MTO1: variants seen among roughly 807,000 people sequenced by gnomAD.
MTO1 encodes 5-taurinomethyluridine-[tRNA] synthase subunit MTO1, mitochondrial.
MTO1 carries 46 observed loss-of-function variants against 71.6 expected under a neutral mutation model. That is an observed-to-expected ratio of 0.64 (90% CI 0.51 to 0.82). The LOEUF (loss-of-function observed/expected upper bound fraction) is 0.82. Among genes scored for constraint, MTO1 ranks in the 40% least tolerant of loss-of-function variants. The probability of loss-of-function intolerance (pLI) is 0.00; values close to 1 mark genes in which losing one functional copy is unlikely to be tolerated. For synonymous variants in MTO1, 297 were observed against 312.1 expected, an observed-to-expected ratio of 0.95 and a Z score of 0.51; for missense variants, 773 against 867.5, an observed-to-expected ratio of 0.89 and a Z score of 1.37.
In MTO1 at chr6:73,504,036, G is replaced by C. The variant is rs1488159182; in HGVS notation, c.*3301G>C. On this transcript the variant is annotated 3_prime_UTR_variant, in exon 12 of 12. Coordinates refer to ENST00000498286, the MANE Select transcript of MTO1 (RefSeq NM_012123.4). ...ACTAGGGGTTTATTCTGATCTGGAA[G>C]AGCCACTTAACACTGGAATGCACAC... 2 of 152,194 alleles carry C rather than the reference G, an allele frequency of 1.3e-5. No homozygotes were observed. Among genetic ancestry groups the C allele is most frequent in the African/African-American group, 4.8e-5 (2 of 41,458 alleles). The allele number at this position is 152,194 out of a possible 1,614,324, so 9.4% of individuals were successfully genotyped here. A position where few individuals can be genotyped will look rare whatever the true frequency, so the allele number is the denominator to read the frequency against.
intron 9 of MTO1, among the ~76,000 whole-genome samples, chr6:73,490,925 G>C (rs1199496149): frequency 6.6e-6 from 1 of 152,104 alleles, no homozygotes; most frequent in Non-Finnish European, 1.5e-5. Flanking sequence ...GGATTAAAGT[G>C]GTCATAGGAG....
At chr6:73,486,818 A>G (rs925161949) in intron 9 of MTO1, 12 of 173,038 alleles carry the variant, frequency 6.9e-5, no homozygotes, top group Middle Eastern at 2.6e-3. Context: ...ACGACCAGGA[A>G]TGGTGGCTCA....
chr6:73,469,017 T>C (rs1471349179), intron 3 of MTO1, among the ~76,000 whole-genome samples: 1 of 151,942 alleles, frequency 6.6e-6, no homozygotes, highest in Non-Finnish European at 1.5e-5. Context: ...TCTTTGCGTT[T>C]TTGGTTTTGG....
intron 11 of MTO1, among the ~76,000 whole-genome samples, chr6:73,499,525 A>G (rs950897256): frequency 2.0e-5 from 3 of 151,426 alleles, no homozygotes; most frequent in Non-Finnish European, 4.4e-5. Context: ...CTGTCTCAAA[A>G]AAAAAAAAAA....
chr6:73,486,543 G>C (rs1771658394), intron 9 of MTO1: 1 of 415,744 alleles, frequency 2.4e-6, no homozygotes, highest in African/African-American at 2.1e-5. Flanking sequence ...TTCGAAACCA[G>C]CCTGGCCAAC....
intron 3 of MTO1, among the ~76,000 whole-genome samples, chr6:73,467,708 G>A (rs1187089725): frequency 6.6e-6 from 1 of 152,068 alleles, no homozygotes; most frequent in African/African-American, 2.4e-5. Context: ...AGACACTTCA[G>A]CTTTTTTAGT....
At chr6:73,477,312 C>T (rs1771353346) in intron 4 of MTO1, among the ~76,000 whole-genome samples, 1 of 145,304 alleles carries the variant, frequency 6.9e-6, no homozygotes, top group South Asian at 2.2e-4. Context: ...ATGAGAATCG[C>T]TTGAACCAGG....
Position 73,482,041 on chromosome 6 carries a change from G to A in MTO1, c.1262G>A (p.Gly421Asp). The A allele has an allele frequency of 1.2e-6, 2 of 1,614,098 alleles. No homozygotes were observed. Among genetic ancestry groups the A allele is most frequent in the Non-Finnish European group, 8.5e-7 (1 of 1,180,016 alleles). Reference sequence around the variant, plus strand: ...TTAAACATTTCAGTGCTCTTGTAGGGTGTGATAGCCGGAATCAACGCCAGT... The same window carrying A: ...TTAAACATTTCAGTGCTCTTGTAGGATGTGATAGCCGGAATCAACGCCAGT... ...TTGYEEAAAQ[G>D]VIAGINASLR... Residue 421 changes from glycine (G) to aspartate (D), a missense_variant and splice_region_variant, in exon 8 of 12, where the codon GGT (glycine) becomes GAT (aspartate). Gly to Asp is a moderately conservative substitution (Grantham distance 94). Coordinates refer to ENST00000498286, the MANE Select transcript of MTO1 (RefSeq NM_012123.4).
chr6:73,477,132 A>C (rs1393323668), intron 4 of MTO1, among the ~76,000 whole-genome samples: 2 of 150,558 alleles, frequency 1.3e-5, no homozygotes, highest in Non-Finnish European at 3.0e-5. Flanking sequence ...GCAGTGGCTC[A>C]TGCCTATAAT....
rs1771439281 is a variant in MTO1, at chr6:73,479,981, T to C, written c.984T>C (p.Arg328=). The change falls in exon 6 of 12, where the codon CGT becomes CGC. Residue 328 remains arginine, a synonymous_variant. Coordinates refer to ENST00000498286, the MANE Select transcript of MTO1 (RefSeq NM_012123.4). ...IESKVLRFPN[R]LHQVWLEPEG... is the part of the protein sequence containing the mutation. ...CAAAAGTTTTGCGTTTTCCAAACCG[T>C]CTACATCAGGTTTGGTTGGAACCTG... 1 of 1,613,928 alleles carries C rather than the reference T, an allele frequency of 6.2e-7. No individual in the cohort carries two copies. Among genetic ancestry groups the C allele is most frequent in the Non-Finnish European group, 8.5e-7 (1 of 1,179,966 alleles).
rs542751608 is a variant in MTO1 at position 73,507,721 on chromosome 6, T to C, written c.*6986T>C. On this transcript the variant is annotated 3_prime_UTR_variant, in exon 12 of 12. Coordinates refer to ENST00000498286, the MANE Select transcript of MTO1 (RefSeq NM_012123.4). The stretch of plus-strand genomic sequence containing the variant: ...GGCAGGGTGCGGTGGCTCACGCCTG[T>C]AATCCCAACACTTTGGGAGGCCAAG... 8 of 152,432 alleles carry C rather than the reference T, an allele frequency of 5.2e-5. No individual in the cohort carries two copies. The highest frequency in any genetic ancestry group is 1.9e-4 in the African/African-American group (8 of 41,578). 9.4% of individuals were successfully genotyped at this position (152,432 alleles called of 1,614,324 possible).
At chr6:73,484,745 C>T (rs915277196) in intron 9 of MTO1, among the ~76,000 whole-genome samples, 7 of 152,008 alleles carry the variant, frequency 4.6e-5, no homozygotes, top group African/African-American at 1.7e-4. Flanking sequence ...CACATTATTT[C>T]AAAAGTTGGA....
rs1281700137 is a variant in MTO1, at chr6:73,503,739, A to G, written c.*3004A>G. ...GAACACCAAAAAATAAGAAATGACT[A>G]AGAAACACTAAGCATTTGTAAAATT... On this transcript the variant is annotated 3_prime_UTR_variant, in exon 12 of 12. Coordinates refer to ENST00000498286, the MANE Select transcript of MTO1 (RefSeq NM_012123.4). 6.6e-6 allele frequency: 1 copy of G among 152,226 alleles called. No individual in the cohort carries two copies. Among genetic ancestry groups the G allele is most frequent in the Non-Finnish European group, 1.5e-5 (1 of 68,042 alleles). 9.4% of individuals were successfully genotyped at this position (152,226 alleles called of 1,614,324 possible). A position where few individuals can be genotyped will look rare whatever the true frequency, so the allele number is the denominator to read the frequency against.
intron 4 of MTO1, among the ~76,000 whole-genome samples, chr6:73,477,815 C>G (rs1771370852): frequency 6.6e-6 from 1 of 151,926 alleles, no homozygotes; most frequent in Admixed American, 6.6e-5. Context: ...CCCAAAACAA[C>G]CTTTTTATTC....
At chr6:73,480,603 A>G in intron 6 of MTO1, 72 bp from the exon 7 acceptor site, 1 of 1,556,698 alleles carries the variant, frequency 6.4e-7, no homozygotes, top group East Asian at 2.3e-5. Flanking sequence ...ATTTAAGGGT[A>G]ATGCTTGCAT....
chr6:73,481,951 C>G (rs1325637985), intron 7 of MTO1, 89 bp from the exon 8 acceptor site: 1 of 1,402,004 alleles, frequency 7.1e-7, no homozygotes, highest in South Asian at 1.2e-5. Context: ...TCTTCCTGTC[C>G]CATGCCATTG....
chr6:73,485,577 T>A (rs1311979954), intron 9 of MTO1, among the ~76,000 whole-genome samples: 2 of 152,154 alleles, frequency 1.3e-5, no homozygotes, highest in East Asian at 3.9e-4. Flanking sequence ...TAGCTGGGCC[T>A]ACAGGCGCTT....
chr6:73,468,855 A>G (rs532875474), intron 3 of MTO1, among the ~76,000 whole-genome samples: 1 of 151,972 alleles, frequency 6.6e-6, no homozygotes, highest in East Asian at 1.9e-4. Context: ...TGATCCGCCT[A>G]CCTCCACCTC....
chr6:73,480,739 G>T lies in MTO1; in HGVS notation c.1194G>T (p.Leu398Phe), dbSNP rs772209676. Residue 398 changes from leucine to phenylalanine, a missense_variant, in exon 7 of 12, where the codon TTG (leucine) becomes TTT (phenylalanine). Physicochemically the swap from Leu to Phe is conservative, Grantham distance 22. Coordinates refer to ENST00000498286, the MANE Select transcript of MTO1 (RefSeq NM_012123.4). ...RQITPSLETH[L>F]VQRLFFAGQI... Reference sequence around the variant, plus strand: ...TCACCCCTTCCTTGGAGACTCATTTGGTTCAACGACTCTTCTTTGCTGGAC... The same window carrying T: ...TCACCCCTTCCTTGGAGACTCATTTTGTTCAACGACTCTTCTTTGCTGGAC... 1.2e-6 allele frequency: 2 copies of T among 1,613,794 alleles called. No individual in the cohort carries two copies. Among genetic ancestry groups the T allele is most frequent in the East Asian group, 4.5e-5 (2 of 44,886 alleles).
Sources: gnomAD v4.1 joint callset for allele counts (sites outside exome capture counted in the v4.1 genomes callset) on GRCh38, gnomAD v4.1.1 for gene constraint, MANE v1.5 for transcripts, NCBI Gene and HGNC (gene_info 2026-07-23, HGNC 2026-07-21) for gene names.